The following HIVEP1 variants were observed in gnomAD, a reference collection of about 807,000 sequenced individuals.
The protein encoded by HIVEP1 is HIVEP zinc finger 1, also known as zinc finger protein 40.
A neutral mutation model predicts 180.0 loss-of-function variants in HIVEP1; 36 were observed. The observed-to-expected ratio is 0.20, with a 90% CI of 0.15 to 0.26. The LOEUF (loss-of-function observed/expected upper bound fraction) is 0.26, where lower values mean the gene tolerates loss of function less well. Among genes scored for constraint, HIVEP1 ranks in the 10% least tolerant of loss-of-function variants. The pLI is 1.00. For missense variants in HIVEP1, 3,143 were observed against 3,268.7 expected, an observed-to-expected ratio of 0.96 and a Z score of 0.94; for synonymous variants, 1,239 against 1,239.0, an observed-to-expected ratio of 1.00 and a Z score of 0.00.
At chr6:12,175,577 T>C in the HIVEP1 span, among the ~76,000 whole-genome samples, 16 of 152,364 alleles carry the variant, frequency 1.1e-4, no homozygotes, top group East Asian at 2.9e-3. Context: ...TGGTCAGATG[T>C]GTATCTGTGA....
chr6:12,158,493 C>A (rs572617179), intron 7 of HIVEP1, among the ~76,000 whole-genome samples: 2 of 152,310 alleles, frequency 1.3e-5, no homozygotes, highest in Admixed American at 6.5e-5. Flanking sequence ...TCCTGTTTCT[C>A]TCCAAGCACT....
At chr6:12,087,019 A>G (rs1352180163) in intron 2 of HIVEP1, among the ~76,000 whole-genome samples, 2 of 152,154 alleles carry the variant, frequency 1.3e-5, no homozygotes, top group African/African-American at 4.8e-5. Context: ...AAGCTTTTAT[A>G]ATGGCTGTTA....
chr6:12,119,451 C>T (rs552102353), intron 3 of HIVEP1, among the ~76,000 whole-genome samples: 15 of 152,336 alleles, frequency 9.8e-5, no homozygotes, highest in African/African-American at 3.6e-4. Context: ...AACCAGTCAA[C>T]CAGTTTTGTT....
intron 2 of HIVEP1, among the ~76,000 whole-genome samples, chr6:12,076,730 A>G (rs1028993188): frequency 6.6e-6 from 1 of 152,134 alleles, no homozygotes; most frequent in East Asian, 1.9e-4. Flanking sequence ...TTGCTGTTGC[A>G]TTGTGGATTA....
chr6:12,084,943 C>T (rs1470710108), intron 2 of HIVEP1, among the ~76,000 whole-genome samples: 1 of 152,072 alleles, frequency 6.6e-6, no homozygotes, highest in East Asian at 1.9e-4. Flanking sequence ...ACTGATACAG[C>T]TTCCCAAATG....
intron 2 of HIVEP1, among the ~76,000 whole-genome samples, chr6:12,051,878 G>T (rs1320930555): frequency 2.6e-5 from 4 of 152,240 alleles, no homozygotes; most frequent in East Asian, 1.9e-4. Flanking sequence ...TCTTGGGAGA[G>T]AACCTCTGTG....
At chr6:12,081,882 T>G (rs1003270311) in intron 2 of HIVEP1, among the ~76,000 whole-genome samples, 1 of 152,092 alleles carries the variant, frequency 6.6e-6, no homozygotes, top group African/African-American at 2.4e-5. Flanking sequence ...CCCACTTCCC[T>G]CCAGGCTTCC....
intron 8 of HIVEP1, among the ~76,000 whole-genome samples, chr6:12,162,788 A>G (rs1239954662): frequency 6.6e-6 from 1 of 152,262 alleles, no homozygotes; most frequent in East Asian, 1.9e-4. Flanking sequence ...ACAAACAACC[A>G]GAGAACTTTT....
chr6:12,051,911 T>C (rs1046794519), intron 2 of HIVEP1, among the ~76,000 whole-genome samples: 17 of 152,252 alleles, frequency 1.1e-4, no homozygotes, highest in African/African-American at 4.1e-4. Flanking sequence ...ATTATTCTTT[T>C]ATATAAACTT....
At position 12,161,542 on chromosome 6, in the gene HIVEP1, C is replaced by T. The variant is rs1049214459; in HGVS notation, c.6591C>T (p.Ser2197=). The stretch of plus-strand genomic sequence containing the variant: ...AAAATGAAGACGATGATGAGGACAG[C>T]CAGGCTGAATCAGTCCTGTCAGCCA... ...DNENEDDDED[S]QAESVLSATP... is the part of the protein sequence containing the mutation. Residue 2197 remains serine, a synonymous_variant, in exon 8 of 9, where the codon AGC becomes AGT. Transcript: ENST00000379388. The T allele has an allele frequency of 1.9e-6, 3 of 1,614,102 alleles. No homozygotes were observed. The highest frequency in any genetic ancestry group is 2.5e-6 in the Non-Finnish European group (3 of 1,179,964).
At chr6:12,143,969 A>G (rs1399798950) in intron 7 of HIVEP1, among the ~76,000 whole-genome samples, 1 of 152,026 alleles carries the variant, frequency 6.6e-6, no homozygotes, top group East Asian at 1.9e-4. Context: ...GCCCAAGGTA[A>G]TTTATAGACC....
chr6:12,142,190 G>T (rs1438368258), intron 7 of HIVEP1, among the ~76,000 whole-genome samples: 1 of 152,136 alleles, frequency 6.6e-6, no homozygotes. Flanking sequence ...CTGTCTCTCA[G>T]ACCACAGTGC....
downstream of HIVEP1, among the ~76,000 whole-genome samples, chr6:12,166,026 T>C (rs914611676): frequency 6.6e-6 from 1 of 152,198 alleles, no homozygotes; most frequent in African/African-American, 2.4e-5. Flanking sequence ...AGTAACAAAA[T>C]TCTCTCAAAA....
intron 5 of HIVEP1, 91 bp from the exon 6 acceptor site, chr6:12,130,676 T>A: frequency 1.5e-6 from 1 of 660,942 alleles, no homozygotes; most frequent in Non-Finnish European, 2.5e-6. Flanking sequence ...AAGTTGTGCC[T>A]TGTTTTATCT....
chr6:12,105,599 G>T (rs747431395), intron 3 of HIVEP1, among the ~76,000 whole-genome samples: 1 of 152,106 alleles, frequency 6.6e-6, no homozygotes, highest in East Asian at 1.9e-4. Context: ...ATTACTATAA[G>T]TCCCTTATAA....
At chr6:12,038,591 G>C (rs1442067931) in intron 2 of HIVEP1, 1 of 152,474 alleles carries the variant, frequency 6.6e-6, no homozygotes, top group African/African-American at 2.4e-5. Context: ...ATAATTGCTT[G>C]AAGCCAGGAG....
chr6:12,078,698 A>G (rs556923221), intron 2 of HIVEP1, among the ~76,000 whole-genome samples: 1 of 151,134 alleles, frequency 6.6e-6, no homozygotes, highest in Non-Finnish European at 1.5e-5. Context: ...ACATATAAAC[A>G]TATATATAAA....
At chr6:12,126,696 T>C (rs1439959789) in intron 4 of HIVEP1, among the ~76,000 whole-genome samples, 1 of 152,194 alleles carries the variant, frequency 6.6e-6, no homozygotes, top group African/African-American at 2.4e-5. Context: ...TACTGCAGTA[T>C]CAGTATTACC....
At chr6:12,201,133 A>G in the HIVEP1 span, among the ~76,000 whole-genome samples, 2 of 152,210 alleles carry the variant, frequency 1.3e-5, no homozygotes, top group Non-Finnish European at 2.9e-5. Flanking sequence ...TAATCTAGGC[A>G]TTTTCAAACA....
Sources: allele counts gnomAD v4.1 joint callset (sites outside exome capture counted in the v4.1 genomes callset), GRCh38; gene constraint gnomAD v4.1.1; transcripts MANE v1.5; gene names NCBI Gene and HGNC (gene_info 2026-07-23, HGNC 2026-07-21).